The following TYW1B variants were observed in gnomAD, a reference collection of about 807,000 sequenced individuals.
The protein encoded by TYW1B is S-adenosyl-L-methionine-dependent tRNA 4-demethylwyosine synthase TYW1B.
In TYW1B, 73 loss-of-function variants were observed where a neutral mutation model predicts 86.9. The observed-to-expected ratio is 0.84, with a 90% CI of 0.70 to 1.02. The LOEUF (loss-of-function observed/expected upper bound fraction) is 1.02, where lower values mean the gene tolerates loss of function less well. TYW1B is among the 50% of genes least tolerant of loss of function. The pLI is 0.00. For missense variants in TYW1B, 637 were observed against 827.4 expected, an observed-to-expected ratio of 0.77 and a Z score of 2.82; for synonymous variants, 248 against 292.8, an observed-to-expected ratio of 0.85 and a Z score of 1.56.
At chr7:72,783,646 C>T (rs556313436) in intron 6 of TYW1B, among the ~76,000 whole-genome samples, 3 of 152,292 alleles carry the variant, frequency 2.0e-5, no homozygotes, top group African/African-American at 4.8e-5. Context: ...TTACTCAAAG[C>T]TTTTGTATAT....
intron 7 of TYW1B, among the ~76,000 whole-genome samples, chr7:72,758,809 A>G (rs1281882664): frequency 1.3e-5 from 2 of 152,116 alleles, no homozygotes; most frequent in Non-Finnish European, 2.9e-5. Flanking sequence ...TGGATTAAGT[A>G]CTCTTGGTTT....
intron 13 of TYW1B, among the ~76,000 whole-genome samples, chr7:72,611,722 C>T (rs1811937660): frequency 1.3e-5 from 2 of 152,122 alleles, no homozygotes; most frequent in African/African-American, 4.8e-5. Flanking sequence ...CCTCTGTATT[C>T]TCAGAATACC....
At chr7:72,814,798 C>T (rs1788690555) in intron 3 of TYW1B, among the ~76,000 whole-genome samples, 1 of 151,394 alleles carries the variant, frequency 6.6e-6, no homozygotes, top group South Asian at 2.1e-4. Context: ...GGCACAGTCG[C>T]TCACGCCTAT....
intron 13 of TYW1B, among the ~76,000 whole-genome samples, chr7:72,611,407 T>C (rs1554435899): frequency 6.6e-6 from 1 of 152,172 alleles, no homozygotes; most frequent in Non-Finnish European, 1.5e-5. Flanking sequence ...TGGTGGGAGA[T>C]AACTGAATCA....
At chr7:72,591,849 T>TCG (rs1159141961) in intron 13 of TYW1B, among the ~76,000 whole-genome samples, 1 of 152,106 alleles carries the variant, frequency 6.6e-6, no homozygotes, top group Admixed American at 6.6e-5. Context: ...AGATGGAGTC[T>TCG]CGCTCTGTTG....
intron 11 of TYW1B, among the ~76,000 whole-genome samples, chr7:72,665,238 T>C (rs1350698912): frequency 2.0e-5 from 3 of 152,238 alleles, no homozygotes; most frequent in African/African-American, 7.2e-5. Flanking sequence ...CTTTGTACTG[T>C]CTACTCAAAA....
At chr7:72,770,648 C>T (rs1196837256) in intron 7 of TYW1B, among the ~76,000 whole-genome samples, 4 of 152,090 alleles carry the variant, frequency 2.6e-5, no homozygotes, top group African/African-American at 7.2e-5. Context: ...TACTCTATGA[C>T]TTAACAATTG....
At chr7:72,718,784 C>A (rs1420263924) in intron 9 of TYW1B, among the ~76,000 whole-genome samples, 3 of 152,098 alleles carry the variant, frequency 2.0e-5, no homozygotes, top group African/African-American at 7.2e-5. Flanking sequence ...TAACTATAAT[C>A]CCCACCATGA....
At chr7:72,788,354 G>C (rs1788164004) in intron 6 of TYW1B, among the ~76,000 whole-genome samples, 1 of 152,124 alleles carries the variant, frequency 6.6e-6, no homozygotes, top group Non-Finnish European at 1.5e-5. Flanking sequence ...AGACCACATG[G>C]CCACATGGAA....
At chr7:72,620,564 C>T (rs1421506779) in intron 12 of TYW1B, among the ~76,000 whole-genome samples, 1 of 152,056 alleles carries the variant, frequency 6.6e-6, no homozygotes, top group African/African-American at 2.4e-5. Context: ...TCAGGGACCC[C>T]GAGCTCTCAC....
intron 10 of TYW1B, among the ~76,000 whole-genome samples, chr7:72,711,469 A>C (rs1453016720): frequency 8.0e-5 from 6 of 74,636 alleles, no homozygotes; most frequent in South Asian, 9.3e-4. Context: ...TCTCCTCTTT[A>C]ATTCTTTTTT....
At chr7:72,705,314 A>C (rs2129570550) in intron 10 of TYW1B, among the ~76,000 whole-genome samples, 1 of 152,358 alleles carries the variant, frequency 6.6e-6, no homozygotes, top group Non-Finnish European at 1.5e-5. Flanking sequence ...ATGTCTCAGC[A>C]AAAACTAGAG....
At chr7:72,769,124 A>G in intron 7 of TYW1B, 1 of 425,704 alleles carries the variant, frequency 2.3e-6, no homozygotes, top group Non-Finnish European at 4.1e-6. Context: ...GTAAGCGAGG[A>G]TGCTTTCATC....
intron 11 of TYW1B, among the ~76,000 whole-genome samples, chr7:72,647,925 A>G (rs1717066198): frequency 6.6e-6 from 1 of 152,104 alleles, no homozygotes; most frequent in African/African-American, 2.4e-5. Flanking sequence ...ACCTCAAGTG[A>G]TCCACCCACC....
intron 7 of TYW1B, chr7:72,769,015 G>T: frequency 3.0e-6 from 1 of 333,264 alleles, no homozygotes. Context: ...ATTTATAAGA[G>T]AAAGAACGTA....
chr7:72,809,191 C>G (rs1190607075), intron 4 of TYW1B, among the ~76,000 whole-genome samples: 2 of 151,824 alleles, frequency 1.3e-5, no homozygotes, highest in East Asian at 3.9e-4. Flanking sequence ...TACAGGCGCC[C>G]GTCACCACAC....
At chr7:72,742,470 G>A (rs1263369332) in intron 8 of TYW1B, among the ~76,000 whole-genome samples, 2 of 152,046 alleles carry the variant, frequency 1.3e-5, no homozygotes, top group African/African-American at 4.8e-5. Context: ...TTCTCTTGAT[G>A]ACGTAAAAGA....
intron 9 of TYW1B, among the ~76,000 whole-genome samples, chr7:72,718,191 G>A (rs2129570803): frequency 6.6e-6 from 1 of 151,938 alleles, no homozygotes; most frequent in East Asian, 1.9e-4. Flanking sequence ...GATGAAGCTG[G>A]AGGCCATCAT....
At chr7:72,715,323 CA>C (rs1786757239) in intron 9 of TYW1B, among the ~76,000 whole-genome samples, 1 of 152,132 alleles carries the variant, frequency 6.6e-6, no homozygotes, top group African/African-American at 2.4e-5. Context: ...GGCCATATCC[CA>C]AACATATTAA....
Sources: allele counts gnomAD v4.1 joint callset (sites outside exome capture counted in the v4.1 genomes callset), GRCh38; gene constraint gnomAD v4.1.1; transcripts MANE v1.5; gene names NCBI Gene and HGNC (gene_info 2026-07-23, HGNC 2026-07-21).